The following OR10J1 variants were observed in gnomAD, a reference collection of about 807,000 sequenced individuals.
OR10J1 encodes olfactory receptor 10J1.
For synonymous variants in OR10J1, 202 were observed against 143.8 expected, an observed-to-expected ratio of 1.40 and a Z score of -2.89; for missense variants, 474 against 376.6, an observed-to-expected ratio of 1.26 and a Z score of -2.14.
At chr1:159,413,565 C>T in the OR10J1 span, among the ~76,000 whole-genome samples, 14 of 151,928 alleles carry the variant, frequency 9.2e-5, no homozygotes, top group African/African-American at 3.4e-4. Context: ...GGGAAATCAT[C>T]ATTCTCAGTA....
At chr1:159,427,999 C>T in the OR10J1 span, among the ~76,000 whole-genome samples, 1 of 151,950 alleles carries the variant, frequency 6.6e-6, no homozygotes, top group African/African-American at 2.4e-5. Flanking sequence ...TTTAACAGAC[C>T]ATTTATGATA....
Position 159,440,503 on chromosome 1 carries a change from G to T in OR10J1, c.712G>T (p.Ala238Ser). 1 of 1,614,012 alleles carries T rather than the reference G, an allele frequency of 6.2e-7. No homozygotes were observed. Among genetic ancestry groups the T allele is most frequent in the East Asian group, 2.2e-5 (1 of 44,870 alleles). Residue 238 changes from alanine to serine, a missense_variant, in exon 1 of 1, where the codon GCC becomes TCC. Physicochemically the swap from Ala to Ser is moderately conservative, Grantham distance 99. Transcript: ENST00000423932. Reference protein sequence around the residue: ...ASVEGRKKAFATCASHLTVVI... With the variant: ...ASVEGRKKAFSTCASHLTVVI... Reference sequence around the variant, plus strand: ...AGTTGAGGGCCGGAAGAAGGCTTTTGCCACCTGTGCATCCCACCTCACTGT... The same window carrying T: ...AGTTGAGGGCCGGAAGAAGGCTTTTTCCACCTGTGCATCCCACCTCACTGT...
chr1:159,427,290 G>A, the OR10J1 span, among the ~76,000 whole-genome samples: 1 of 150,068 alleles, frequency 6.7e-6, no homozygotes, highest in Non-Finnish European at 1.5e-5. Context: ...ATCTAGAGAA[G>A]GTAAAAACAA....
the OR10J1 span, among the ~76,000 whole-genome samples, chr1:159,419,038 C>A: frequency 6.6e-6 from 1 of 152,190 alleles, no homozygotes; most frequent in African/African-American, 2.4e-5. Context: ...ATGCTTGCAA[C>A]CCCATTGTAC....
chr1:159,411,676 T>C, the OR10J1 span, among the ~76,000 whole-genome samples: 1 of 152,156 alleles, frequency 6.6e-6, no homozygotes. Flanking sequence ...TGTCTGTTAA[T>C]TGGAGCATTT....
At chr1:159,403,766 A>G in the OR10J1 span, among the ~76,000 whole-genome samples, 49 of 152,300 alleles carry the variant, frequency 3.2e-4, no homozygotes, top group South Asian at 9.7e-3. Flanking sequence ...ACTGCTGGAT[A>G]TATACACAAA....
At chr1:159,430,668 T>TGTGTGTGTGTGC in the OR10J1 span, among the ~76,000 whole-genome samples, 368 of 69,692 alleles carry the variant, frequency 5.3e-3, no homozygotes, top group Middle Eastern at 0.016. Flanking sequence ...TGTGTGTGTG[T>TGTGTGTGTGTGC]GCGCGCGCGC....
At chr1:159,422,475 G>A in the OR10J1 span, among the ~76,000 whole-genome samples, 6 of 152,182 alleles carry the variant, frequency 3.9e-5, no homozygotes, top group Admixed American at 3.9e-4. Context: ...TTAAAAGTGT[G>A]CAGCCATCCC....
chr1:159,428,843 C>A, the OR10J1 span, among the ~76,000 whole-genome samples: 1 of 152,300 alleles, frequency 6.6e-6, no homozygotes, highest in East Asian at 1.9e-4. Flanking sequence ...CTTGGCTTGT[C>A]AAAGACACCA....
the OR10J1 span, among the ~76,000 whole-genome samples, chr1:159,408,286 T>TA: frequency 2.0e-5 from 3 of 152,098 alleles, no homozygotes; most frequent in Non-Finnish European, 4.4e-5. Context: ...TATGCAACCA[T>TA]AAAAAATGAT....
the OR10J1 span, among the ~76,000 whole-genome samples, chr1:159,399,475 G>A: frequency 1.3e-5 from 2 of 150,972 alleles, no homozygotes; most frequent in Admixed American, 6.7e-5. Flanking sequence ...GGAGGCTGAG[G>A]CAGGAGAATG....
At chr1:159,412,652 G>T in the OR10J1 span, among the ~76,000 whole-genome samples, 63 of 151,590 alleles carry the variant, frequency 4.2e-4, no homozygotes, top group Non-Finnish European at 7.9e-4. Context: ...AGCTGAAACT[G>T]GATCCCTTCC....
At chr1:159,418,286 G>T in the OR10J1 span, among the ~76,000 whole-genome samples, 374 of 152,278 alleles carry the variant, frequency 2.5e-3, no homozygotes, top group African/African-American at 8.6e-3. Context: ...CTTTGCAGCA[G>T]CCCCTCCCAC....
the OR10J1 span, chr1:159,405,615 G>T: frequency 2.5e-6 from 1 of 405,824 alleles, no homozygotes. Flanking sequence ...TGGAAATATA[G>T]CCATAGTGGC....
chr1:159,431,461 T>C, the OR10J1 span, among the ~76,000 whole-genome samples: 1 of 152,192 alleles, frequency 6.6e-6, no homozygotes, highest in African/African-American at 2.4e-5. Flanking sequence ...TTGAACTCAT[T>C]CACTCTTTAG....
At chr1:159,416,082 T>C in the OR10J1 span, among the ~76,000 whole-genome samples, 1 of 152,056 alleles carries the variant, frequency 6.6e-6, no homozygotes, top group African/African-American at 2.4e-5. Flanking sequence ...AGGTTTTTTT[T>C]GGTGGAGTCT....
chr1:159,412,879 C>T, the OR10J1 span, among the ~76,000 whole-genome samples: 6 of 151,738 alleles, frequency 4.0e-5, no homozygotes, highest in Non-Finnish European at 8.8e-5. Flanking sequence ...GCAAAAGAAA[C>T]TACCATCAGA....
chr1:159,424,147 C>T, the OR10J1 span, among the ~76,000 whole-genome samples: 18 of 148,516 alleles, frequency 1.2e-4, no homozygotes, highest in Non-Finnish European at 1.2e-4. Context: ...ATCCAGGAGA[C>T]GGAGGTTGTA....
chr1:159,413,242 G>A, the OR10J1 span, among the ~76,000 whole-genome samples: 5 of 152,100 alleles, frequency 3.3e-5, no homozygotes, highest in African/African-American at 1.2e-4. Context: ...CTGTTGGTGG[G>A]ACTGTAAACT....
Sources: gnomAD v4.1 joint callset for allele counts (sites outside exome capture counted in the v4.1 genomes callset) on GRCh38, gnomAD v4.1.1 for gene constraint, MANE v1.5 for transcripts, NCBI Gene and HGNC (gene_info 2026-07-23, HGNC 2026-07-21) for gene names.